The following EYS variants were observed in gnomAD, a reference collection of about 807,000 sequenced individuals.
The protein encoded by EYS is EGF-like photoreceptor maintenance factor.
A neutral mutation model predicts 282.1 loss-of-function variants in EYS; 250 were observed. That is an observed-to-expected ratio of 0.89 (90% CI 0.80 to 0.98). The LOEUF (loss-of-function observed/expected upper bound fraction) is 0.98. EYS is among the 50% of genes least tolerant of loss of function. EYS has a pLI of 0.00. For synonymous variants in EYS, 1,355 were observed against 1,282.9 expected, an observed-to-expected ratio of 1.06 and a Z score of -1.20; for missense variants, 4,016 against 3,709.0, an observed-to-expected ratio of 1.08 and a Z score of -2.15.
intron 30 of EYS, among the ~76,000 whole-genome samples, chr6:64,257,766 GGATGAT>G (rs3072582): frequency 9.5e-4 from 142 of 149,170 alleles, no homozygotes; most frequent in South Asian, 3.8e-3. Context: ...TGAATGGTGT[GGATGAT>G]GATGATGATG....
intron 4 of EYS, among the ~76,000 whole-genome samples, chr6:65,493,190 T>C (rs12212446): frequency 0.21 from 32,296 of 152,154 alleles, 3,774 homozygotes; most frequent in Middle Eastern, 0.32. Flanking sequence ...GCTGGGATTA[T>C]AGGCATGAGC....
At chr6:64,815,151 C>T (rs1028717556) in intron 21 of EYS, 20 of 408,834 alleles carry the variant, frequency 4.9e-5, no homozygotes, top group Admixed American at 8.5e-5. Context: ...TTGTACACCC[C>T]CACCCCCTAC....
intron 22 of EYS, among the ~76,000 whole-genome samples, chr6:64,657,518 C>T (rs1274493102): frequency 2.0e-5 from 3 of 152,126 alleles, no homozygotes; most frequent in Non-Finnish European, 4.4e-5. Flanking sequence ...AAGTTTAGTG[C>T]TTCTTTCAGG....
intron 31 of EYS, among the ~76,000 whole-genome samples, chr6:64,212,152 C>T (rs1159805261): frequency 6.6e-6 from 1 of 151,552 alleles, no homozygotes. Flanking sequence ...AAAAATATAG[C>T]TTAAGAGAAG....
chr6:64,720,977 G>A (rs1203106181), intron 22 of EYS, among the ~76,000 whole-genome samples: 1 of 149,324 alleles, frequency 6.7e-6, no homozygotes, highest in Admixed American at 6.8e-5. Context: ...ACCAGTTAGT[G>A]CTCTGTAAAC....
At chr6:64,171,830 A>C (rs909202816) in intron 31 of EYS, among the ~76,000 whole-genome samples, 3 of 152,150 alleles carry the variant, frequency 2.0e-5, no homozygotes, top group African/African-American at 7.2e-5. Flanking sequence ...CTTATTAAGC[A>C]AGGCTACTGA....
chr6:65,175,415 A>G (rs1765201714), intron 12 of EYS, among the ~76,000 whole-genome samples: 1 of 151,380 alleles, frequency 6.6e-6, no homozygotes, highest in Admixed American at 6.6e-5. Context: ...GAAGACAGAG[A>G]AGCACAAGAA....
At chr6:63,944,831 G>T (rs1197963307) in intron 35 of EYS, among the ~76,000 whole-genome samples, 2 of 152,270 alleles carry the variant, frequency 1.3e-5, no homozygotes, top group East Asian at 3.9e-4. Context: ...CTACTAGGGA[G>T]GCTGAGGAAG....
chr6:65,574,949 T>C (rs932219476), intron 2 of EYS, among the ~76,000 whole-genome samples: 1 of 152,054 alleles, frequency 6.6e-6, no homozygotes, highest in Non-Finnish European at 1.5e-5. Flanking sequence ...AAACTAAAAA[T>C]AAATGGTAAG....
At chr6:63,770,813 A>G (rs1769909784) in intron 40 of EYS, among the ~76,000 whole-genome samples, 2 of 152,168 alleles carry the variant, frequency 1.3e-5, no homozygotes, top group African/African-American at 4.8e-5. Flanking sequence ...ATCAAGTGTT[A>G]AAACAAATGA....
intron 14 of EYS, among the ~76,000 whole-genome samples, chr6:64,962,740 C>A (rs1769966672): frequency 6.6e-6 from 1 of 151,812 alleles, no homozygotes; most frequent in African/African-American, 2.4e-5. Context: ...AGAATAAGAC[C>A]AGGTCTCCTC....
intron 35 of EYS, among the ~76,000 whole-genome samples, chr6:63,870,650 G>C (rs1772779307): frequency 6.6e-6 from 1 of 152,106 alleles, no homozygotes; most frequent in Non-Finnish European, 1.5e-5. Context: ...TAAATATGTT[G>C]ATTTGGCAGG....
At chr6:64,511,407 CAAG>C (rs1211457483) in intron 26 of EYS, among the ~76,000 whole-genome samples, 1 of 151,654 alleles carries the variant, frequency 6.6e-6, no homozygotes, top group Admixed American at 6.6e-5. Flanking sequence ...GAGGAAATCG[CAAG>C]ATGATTTAGG....
chr6:65,301,432 C>T (rs1176554534), intron 11 of EYS, among the ~76,000 whole-genome samples: 1 of 152,218 alleles, frequency 6.6e-6, no homozygotes, highest in Non-Finnish European at 1.5e-5. Flanking sequence ...ACCGGCCGGG[C>T]CTTAGAGCGC....
chr6:64,160,347 A>G (rs998000506), intron 31 of EYS, among the ~76,000 whole-genome samples: 2 of 152,214 alleles, frequency 1.3e-5, no homozygotes, highest in Non-Finnish European at 2.9e-5. Flanking sequence ...AAGTTAGGTT[A>G]TTCATTCTCA....
chr6:65,480,975 G>A (rs1438538564), intron 5 of EYS, among the ~76,000 whole-genome samples: 2 of 152,252 alleles, frequency 1.3e-5, no homozygotes, highest in Admixed American at 6.5e-5. Flanking sequence ...GGAGAAGGAG[G>A]ATAGGGACAG....
At chr6:63,823,858 C>CT (rs931537539) in intron 36 of EYS, among the ~76,000 whole-genome samples, 39 of 151,878 alleles carry the variant, frequency 2.6e-4, no homozygotes, top group African/African-American at 9.4e-4. Context: ...CATTATTGTT[C>CT]TTTTTTTCTA....
intron 29 of EYS, among the ~76,000 whole-genome samples, chr6:64,370,116 G>T (rs1772315628): frequency 6.6e-6 from 1 of 152,022 alleles, no homozygotes; most frequent in African/African-American, 2.4e-5. Flanking sequence ...AGTTTTCAAG[G>T]GGATTATTTC....
chr6:64,032,438 A>G (rs1463017187), intron 33 of EYS, among the ~76,000 whole-genome samples: 3 of 152,186 alleles, frequency 2.0e-5, no homozygotes, highest in African/African-American at 4.8e-5. Flanking sequence ...TATATTTACA[A>G]CATTTCTGAC....
Sources: allele counts gnomAD v4.1 joint callset (sites outside exome capture counted in the v4.1 genomes callset), GRCh38; gene constraint gnomAD v4.1.1; transcripts MANE v1.5; gene names NCBI Gene and HGNC (gene_info 2026-07-23, HGNC 2026-07-21).